FHOD3: variants seen among roughly 807,000 people sequenced by gnomAD.
FHOD3 encodes the protein FH1/FH2 domain-containing protein 3.
A neutral mutation model predicts 173.0 loss-of-function variants in FHOD3; 90 were observed. The observed-to-expected ratio is 0.52, with a 90% CI of 0.44 to 0.62. The LOEUF (loss-of-function observed/expected upper bound fraction) is 0.62, where lower values mean the gene tolerates loss of function less well. Ranked by LOEUF, FHOD3 falls within the 20% of genes least tolerant of loss-of-function variation. The probability of loss-of-function intolerance (pLI) is 0.00; values close to 1 mark genes in which losing one functional copy is unlikely to be tolerated. For synonymous variants in FHOD3, 828 were observed against 823.0 expected, an observed-to-expected ratio of 1.01 and a Z score of -0.10; for missense variants, 1,945 against 2,034.7, an observed-to-expected ratio of 0.96 and a Z score of 0.85.
At chr18:36,527,941 C>T (rs897822418) in intron 5 of FHOD3, among the ~76,000 whole-genome samples, 1 of 152,206 alleles carries the variant, frequency 6.6e-6, no homozygotes, top group African/African-American at 2.4e-5. Flanking sequence ...ATCTCCTGGG[C>T]AGTCCTTCGT....
chr18:36,676,764 T>C (rs529185285), intron 14 of FHOD3, among the ~76,000 whole-genome samples: 2 of 152,336 alleles, frequency 1.3e-5, no homozygotes, highest in Non-Finnish European at 1.5e-5. Context: ...TCCTTTTCCC[T>C]GATTTCTAGT....
At chr18:36,358,364 G>A (rs572569923) in intron 2 of FHOD3, among the ~76,000 whole-genome samples, 4 of 152,326 alleles carry the variant, frequency 2.6e-5, no homozygotes, top group South Asian at 4.1e-4. Flanking sequence ...TCACCTGGGC[G>A]ACACCTGTCT....
At chr18:36,613,490 G>T (rs1325644988) in intron 9 of FHOD3, among the ~76,000 whole-genome samples, 1 of 152,206 alleles carries the variant, frequency 6.6e-6, no homozygotes, top group Admixed American at 6.5e-5. Context: ...GTTAGGGGCA[G>T]ATCTGAAGAT....
chr18:36,424,881 A>G (rs781666840), intron 3 of FHOD3, among the ~76,000 whole-genome samples: 7 of 152,186 alleles, frequency 4.6e-5, no homozygotes, highest in Admixed American at 3.3e-4. Context: ...CTACCTGGCC[A>G]TTAGTCACCC....
At chr18:36,692,057 G>A (rs1008947703) in intron 16 of FHOD3, among the ~76,000 whole-genome samples, 5 of 152,226 alleles carry the variant, frequency 3.3e-5, no homozygotes, top group African/African-American at 1.2e-4. Flanking sequence ...AGCCTTCCTG[G>A]AGGGAGATGT....
intron 3 of FHOD3, among the ~76,000 whole-genome samples, chr18:36,469,461 C>CT (rs55860721): frequency 0.48 from 73,190 of 151,660 alleles, 18,562 homozygotes; most frequent in South Asian, 0.6. Flanking sequence ...TTGTTGCTCC[C>CT]CTGATCCCAT....
At chr18:36,406,808 G>A (rs1383942600) in intron 3 of FHOD3, among the ~76,000 whole-genome samples, 1 of 152,154 alleles carries the variant, frequency 6.6e-6, no homozygotes, top group Non-Finnish European at 1.5e-5. Context: ...CCATATTAGT[G>A]GCAGGCCCCA....
At chr18:36,716,504 A>G (rs528265175) in intron 18 of FHOD3, among the ~76,000 whole-genome samples, 39 of 152,336 alleles carry the variant, frequency 2.6e-4, no homozygotes, top group Admixed American at 1.3e-3. Flanking sequence ...AGAAGGTGGT[A>G]TTTTATGGAT....
intron 3 of FHOD3, among the ~76,000 whole-genome samples, chr18:36,441,051 TGTGTGTA>T (rs2051116198): frequency 6.6e-6 from 1 of 152,148 alleles, no homozygotes; most frequent in Non-Finnish European, 1.5e-5. Context: ...TGCATGGTTG[TGTGTGTA>T]AGGTCATTCT....
chr18:36,681,510 G>C lies in FHOD3; in HGVS notation c.1910G>C (p.Arg637Pro). 1.2e-6 allele frequency: 2 copies of C among 1,613,832 alleles called. No homozygotes were observed. Among genetic ancestry groups the C allele is most frequent in the Non-Finnish European group, 1.7e-6 (2 of 1,179,900 alleles). ...TCACTGGCAGCAGAGAGAGAGAGGC[G>C]GCGGCAGGAGAGAGAAGAAAGGTTG... ...QESLAAERERRRQEREERLQR... is the reference protein window; with the variant it reads ...QESLAAERERPRQEREERLQR... The change falls in exon 15 of 29, where the codon CGG (arginine) becomes CCG (proline). Residue 637 changes from arginine (R) to proline (P), a missense_variant. Physicochemically the swap from Arg to Pro is moderately radical, Grantham distance 103 (BLOSUM62 -2). Transcript: ENST00000590592.
chr18:36,565,869 G>T (rs1367769200), intron 5 of FHOD3, among the ~76,000 whole-genome samples: 7 of 152,084 alleles, frequency 4.6e-5, no homozygotes, highest in Non-Finnish European at 1.0e-4. Flanking sequence ...GTGGACACTT[G>T]GTTTTTGAAA....
At chr18:36,658,824 G>A (rs996116684) in intron 14 of FHOD3, among the ~76,000 whole-genome samples, 2 of 152,164 alleles carry the variant, frequency 1.3e-5, no homozygotes, top group African/African-American at 2.4e-5. Context: ...GACTGGTTAG[G>A]ATTCCAGCTC....
At chr18:36,550,086 G>A (rs187462701) in intron 5 of FHOD3, among the ~76,000 whole-genome samples, 54 of 151,544 alleles carry the variant, frequency 3.6e-4, no homozygotes, top group Admixed American at 7.9e-4. Flanking sequence ...TTTTATTAGC[G>A]AAAACTTCTT....
chr18:36,742,790 C>T lies in FHOD3; in HGVS notation c.3813C>T (p.Asn1271=), dbSNP rs767474893. Residue 1271 remains asparagine, a synonymous_variant, in exon 22 of 29, where the codon AAC becomes AAT. Transcript: ENST00000590592. Reference sequence around the variant, plus strand: ...AGGAAGGAATAGACCAGTTGGAGAACAATAAAACCTTGGGCTTTATCCTGT... The same window carrying T: ...AGGAAGGAATAGACCAGTTGGAGAATAATAAAACCTTGGGCTTTATCCTGT... ...DLKEGIDQLE[N]NKTLGFILST... is the part of the protein sequence containing the mutation. 10 of 1,613,828 alleles carry T rather than the reference C, an allele frequency of 6.2e-6. No individual in the cohort carries two copies. The Admixed American group carries it at 1.5e-4, about 24-fold the overall frequency.
At chr18:36,687,106 T>C in intron 15 of FHOD3, 22 bp from the exon 16 acceptor site, 1 of 1,582,258 alleles carries the variant, frequency 6.3e-7, no homozygotes, top group Middle Eastern at 1.7e-4. Context: ...TCCTGTTTGT[T>C]TGTTCTACAT....
In FHOD3 at chr18:36,767,902, A is replaced by G. The variant is rs76593406; in HGVS notation, c.4625-1363A>G. Among the ~76,000 whole-genome samples, 418 of 151,810 alleles carry G rather than the reference A, an allele frequency of 2.8e-3. 15 individuals carry two copies. In the East Asian group the frequency reaches 0.075, roughly 27 times the overall value. On this transcript the variant is annotated intron_variant, in intron 27 of 28. Transcript: ENST00000590592. The stretch of plus-strand genomic sequence containing the variant: ...TTCCCAACCATTTCCATTGATATCT[A>G]TTTTTTCTTGGTTCATTCATTACCA...
intron 5 of FHOD3, among the ~76,000 whole-genome samples, chr18:36,565,061 G>C (rs899656458): frequency 1.3e-5 from 2 of 152,044 alleles, no homozygotes; most frequent in Admixed American, 1.3e-4. Flanking sequence ...TTTGACAGTT[G>C]CCCTTGGGGA....
intron 2 of FHOD3, among the ~76,000 whole-genome samples, chr18:36,362,505 G>A (rs903357927): frequency 6.6e-6 from 1 of 152,228 alleles, no homozygotes; most frequent in Non-Finnish European, 1.5e-5. Context: ...CACACAAGGT[G>A]TGGGGTGGCT....
intron 5 of FHOD3, among the ~76,000 whole-genome samples, chr18:36,566,523 A>T (rs2058270460): frequency 6.6e-6 from 1 of 152,182 alleles, no homozygotes; most frequent in Admixed American, 6.5e-5. Context: ...GGTTGGCTGG[A>T]GGTGTAGTGG....
Sources: allele counts gnomAD v4.1 joint callset (sites outside exome capture counted in the v4.1 genomes callset), GRCh38; gene constraint gnomAD v4.1.1; transcripts MANE v1.5; gene names NCBI Gene and HGNC (gene_info 2026-07-23, HGNC 2026-07-21).